RNFT2: variants seen among roughly 807,000 people sequenced by gnomAD.
RNFT2 encodes the protein E3 ubiquitin-protein ligase RNFT2.
A neutral mutation model predicts 53.0 loss-of-function variants in RNFT2; 36 were observed. The ratio of observed to expected loss-of-function variants is 0.68; its 90% CI spans 0.52 to 0.90. The LOEUF (loss-of-function observed/expected upper bound fraction) is 0.90, where lower values mean the gene tolerates loss of function less well. Among genes scored for constraint, RNFT2 ranks in the 40% least tolerant of loss-of-function variants. The probability of loss-of-function intolerance (pLI) is 0.00; values close to 1 mark genes in which losing one functional copy is unlikely to be tolerated. For synonymous variants in RNFT2, 260 were observed against 253.2 expected, an observed-to-expected ratio of 1.03 and a Z score of -0.26; for missense variants, 514 against 585.6, an observed-to-expected ratio of 0.88 and a Z score of 1.26.
chr12:116,839,686 G>A (rs755366975), intron 10 of RNFT2, among the ~76,000 whole-genome samples: 12 of 149,724 alleles, frequency 8.0e-5, no homozygotes, highest in Middle Eastern at 3.4e-3. Context: ...AAGTGGGTGA[G>A]TGACAGTGTG....
chr12:116,804,331 C>T (rs1282764257), intron 7 of RNFT2, among the ~76,000 whole-genome samples: 1 of 152,164 alleles, frequency 6.6e-6, no homozygotes, highest in Non-Finnish European at 1.5e-5. Flanking sequence ...CCTACTGATT[C>T]AGAAACTGTG....
chr12:116,810,311 G>A (rs1007587516), intron 7 of RNFT2, among the ~76,000 whole-genome samples: 3 of 152,254 alleles, frequency 2.0e-5, no homozygotes, highest in South Asian at 2.1e-4. Context: ...CCCAGGCATC[G>A]CAAAGCCACA....
Position 116,852,488 on chromosome 12 carries a change from A to G in RNFT2, c.*3040A>G. On this transcript the variant is annotated 3_prime_UTR_variant, in exon 11 of 11. Transcript: ENST00000257575. ...TTACTATGGCGATGGCCATGATGTT[A>G]CAATCCCACTTGCCTGAATAATCAA... 6.7e-7 allele frequency: 1 copy of G among 1,486,766 alleles called. No homozygotes were observed. Among genetic ancestry groups the G allele is most frequent in the Non-Finnish European group, 8.9e-7 (1 of 1,118,180 alleles). The allele number at this position is 1,486,766 out of a possible 1,614,324, so 92.1% of individuals were successfully genotyped here. A position where few individuals can be genotyped will look rare whatever the true frequency, so the allele number is the denominator to read the frequency against.
intron 8 of RNFT2, among the ~76,000 whole-genome samples, chr12:116,835,319 C>G (rs527856454): frequency 6.6e-6 from 1 of 152,286 alleles, no homozygotes; most frequent in African/African-American, 2.4e-5. Context: ...TGTTTTCTAT[C>G]TCTCTTACCT....
intron 7 of RNFT2, among the ~76,000 whole-genome samples, chr12:116,806,745 CAAA>C (rs59532955): frequency 7.8e-5 from 7 of 89,634 alleles, no homozygotes; most frequent in Non-Finnish European, 1.3e-4. Flanking sequence ...GACCCTCTCT[CAAA>C]AAAAAAAAAA....
chr12:116,789,503 G>T (rs1197482345), intron 7 of RNFT2, among the ~76,000 whole-genome samples: 1 of 149,932 alleles, frequency 6.7e-6, no homozygotes, highest in Admixed American at 6.6e-5. Context: ...ATGGGTGGAT[G>T]GGTAAATGGG....
chr12:116,851,700 C>T lies in RNFT2; in HGVS notation c.*2252C>T. The T allele has an allele frequency of 1.5e-6, 1 of 672,078 alleles. No homozygotes were observed. 41.6% of individuals were successfully genotyped at this position (672,078 alleles called of 1,614,324 possible). ...AAGTTGCAGTGAGCCGAGATTGCAC[C>T]ACAGCACTCCAACCTGGGTGACAGA... On this transcript the variant is annotated 3_prime_UTR_variant, in exon 11 of 11. Coordinates refer to ENST00000257575, the MANE Select transcript of RNFT2 (RefSeq NM_001382266.1).
intron 7 of RNFT2, among the ~76,000 whole-genome samples, chr12:116,832,130 CAAAA>C (rs138431200): frequency 6.5e-4 from 62 of 95,314 alleles, no homozygotes; most frequent in African/African-American, 1.8e-3. Context: ...GACCTTGTCT[CAAAA>C]AAAAAAAAAA....
chr12:116,774,113 A>C (rs1873316569), intron 6 of RNFT2, among the ~76,000 whole-genome samples: 1 of 152,226 alleles, frequency 6.6e-6, no homozygotes, highest in South Asian at 2.1e-4. Context: ...TATAGACAGA[A>C]AGAATGGCGG....
intron 7 of RNFT2, among the ~76,000 whole-genome samples, chr12:116,822,091 T>C (rs1190545107): frequency 3.3e-5 from 5 of 152,102 alleles, no homozygotes; most frequent in African/African-American, 1.2e-4. Context: ...TGCCTCGGCC[T>C]CCCAAAGTGC....
chr12:116,847,155 G>A (rs986850533), intron 10 of RNFT2, among the ~76,000 whole-genome samples: 19 of 151,814 alleles, frequency 1.3e-4, no homozygotes, highest in African/African-American at 4.1e-4. Flanking sequence ...TGATCCCCCC[G>A]CCTCAGCCTA....
At chr12:116,825,842 A>T (rs1876300638) in intron 7 of RNFT2, among the ~76,000 whole-genome samples, 1 of 152,204 alleles carries the variant, frequency 6.6e-6, no homozygotes, top group Admixed American at 6.5e-5. Context: ...AACCAATTTA[A>T]TAGGTGATAG....
intron 10 of RNFT2, among the ~76,000 whole-genome samples, chr12:116,840,144 G>C (rs1877179939): frequency 6.6e-6 from 1 of 152,178 alleles, no homozygotes. Context: ...CCAATTCTTG[G>C]TCACTATGAG....
intron 7 of RNFT2, among the ~76,000 whole-genome samples, chr12:116,829,107 A>G (rs148512932): frequency 6.6e-6 from 1 of 151,696 alleles, no homozygotes; most frequent in African/African-American, 2.4e-5. Flanking sequence ...CATGGGTGAG[A>G]GCAATTTGGG....
At chr12:116,806,389 T>TAGATAGATAGATAG (rs376557134) in intron 7 of RNFT2, among the ~76,000 whole-genome samples, 1 of 82,890 alleles carries the variant, frequency 1.2e-5, no homozygotes, top group Non-Finnish European at 3.0e-5. Context: ...AAAATATATA[T>TAGATAGATAGATAG]ATATATATAT....
intron 7 of RNFT2, among the ~76,000 whole-genome samples, chr12:116,795,940 A>G (rs1456707762): frequency 6.6e-6 from 1 of 151,342 alleles, no homozygotes; most frequent in Non-Finnish European, 1.5e-5. Flanking sequence ...ACAGAGTCTC[A>G]CTCTGTCACC....
At chr12:116,845,345 C>G (rs2137223753) in intron 10 of RNFT2, among the ~76,000 whole-genome samples, 1 of 150,540 alleles carries the variant, frequency 6.6e-6, no homozygotes, top group East Asian at 2.0e-4. Context: ...ATTCCTCATG[C>G]AATGCTTTGA....
At chr12:116,826,210 T>C (rs1467214245) in intron 7 of RNFT2, among the ~76,000 whole-genome samples, 3 of 152,186 alleles carry the variant, frequency 2.0e-5, no homozygotes, top group African/African-American at 7.2e-5. Context: ...AGCCCTCTGT[T>C]GTTTCGATGT....
chr12:116,779,952 T>C (rs1022601910), intron 7 of RNFT2, among the ~76,000 whole-genome samples: 8 of 151,632 alleles, frequency 5.3e-5, no homozygotes, highest in Admixed American at 1.3e-4. Flanking sequence ...CTGTAGGACA[T>C]AGTGATTGCC....
Sources: allele counts gnomAD v4.1 joint callset (sites outside exome capture counted in the v4.1 genomes callset), GRCh38; gene constraint gnomAD v4.1.1; transcripts MANE v1.5; gene names NCBI Gene and HGNC (gene_info 2026-07-23, HGNC 2026-07-21).